TNR: variants seen among roughly 807,000 people sequenced by gnomAD.
The protein encoded by TNR is tenascin R, also known as tenascin-R.
A neutral mutation model predicts 150.4 loss-of-function variants in TNR; 45 were observed. That is an observed-to-expected ratio of 0.30 (90% confidence interval 0.24 to 0.38). The LOEUF (loss-of-function observed/expected upper bound fraction) is 0.38, where lower values mean the gene tolerates loss of function less well. TNR is among the 10% of genes least tolerant of loss of function. The pLI is 1.00. For synonymous variants in TNR, 687 were observed against 678.4 expected (o/e 1.01, Z -0.20); for missense variants, 1,544 against 1,759.1 (o/e 0.88, Z 2.19).
intron 2 of TNR, among the ~76,000 whole-genome samples, chr1:175,439,563 G>C (rs892817900): frequency 1.3e-5 from 2 of 152,096 alleles, no homozygotes; most frequent in African/African-American, 4.8e-5. Context: ...CACAGCAAAA[G>C]AAACTACCAT....
chr1:175,576,447 C>A (rs568741701), intron 1 of TNR, among the ~76,000 whole-genome samples: 11 of 152,208 alleles, frequency 7.2e-5, no homozygotes, highest in East Asian at 1.9e-4. Context: ...CTGGTACCAC[C>A]CTTGCACAGG....
At chr1:175,698,803 A>G (rs1291997147) in intron 1 of TNR, among the ~76,000 whole-genome samples, 2 of 151,400 alleles carry the variant, frequency 1.3e-5, no homozygotes, top group Non-Finnish European at 3.0e-5. Flanking sequence ...CCTGGGCAAT[A>G]AAAGTAAGAC....
intron 1 of TNR, among the ~76,000 whole-genome samples, chr1:175,689,766 G>A (rs1261807161): frequency 6.6e-6 from 1 of 152,170 alleles, no homozygotes; most frequent in Admixed American, 6.5e-5. Context: ...AGGGAGGGGT[G>A]AGGGAAGACT....
chr1:175,671,542 C>T (rs1357170166), intron 1 of TNR, among the ~76,000 whole-genome samples: 1 of 152,180 alleles, frequency 6.6e-6, no homozygotes, highest in Non-Finnish European at 1.5e-5. Flanking sequence ...GTGGCAGTGA[C>T]AGGTGGCAAG....
At chr1:175,639,398 G>T (rs1664582877) in intron 1 of TNR, among the ~76,000 whole-genome samples, 1 of 152,146 alleles carries the variant, frequency 6.6e-6, no homozygotes. Flanking sequence ...CCACCTTAAG[G>T]TCCATAAATA....
At chr1:175,511,258 A>G (rs1337690091) in intron 2 of TNR, among the ~76,000 whole-genome samples, 1 of 152,254 alleles carries the variant, frequency 6.6e-6, no homozygotes, top group East Asian at 1.9e-4. Flanking sequence ...ATTTAAATAA[A>G]GCATGTCAAA....
At chr1:175,687,120 G>A (rs990405303) in intron 1 of TNR, among the ~76,000 whole-genome samples, 11 of 152,178 alleles carry the variant, frequency 7.2e-5, no homozygotes, top group African/African-American at 2.4e-4. Context: ...CATGGCATGA[G>A]CTAAAGCTTA....
intron 1 of TNR, among the ~76,000 whole-genome samples, chr1:175,548,664 T>C (rs113763349): frequency 1.5e-5 from 1 of 68,418 alleles, no homozygotes; most frequent in Non-Finnish European, 3.4e-5. Context: ...GTAAGCAAAA[T>C]TAAAAAAAAA....
intron 1 of TNR, among the ~76,000 whole-genome samples, chr1:175,586,077 TGAG>T (rs1662551693): frequency 6.6e-6 from 1 of 152,160 alleles, no homozygotes; most frequent in Non-Finnish European, 1.5e-5. Context: ...TGTCCTATGA[TGAG>T]ATGAGTACGG....
intron 9 of TNR, among the ~76,000 whole-genome samples, chr1:175,376,576 C>G (rs2859052): frequency 0.63 from 95,100 of 151,910 alleles, 30,259 homozygotes; most frequent in African/African-American, 0.74. Flanking sequence ...TAACTTTTTA[C>G]GCTCCAAGTT....
chr1:175,452,259 T>C (rs1378072095), intron 2 of TNR, among the ~76,000 whole-genome samples: 1 of 152,240 alleles, frequency 6.6e-6, no homozygotes, highest in African/African-American at 2.4e-5. Context: ...GCAGGCACTG[T>C]TCTGGGCTCT....
At chr1:175,618,690 G>A (rs992635678) in intron 1 of TNR, among the ~76,000 whole-genome samples, 1 of 152,126 alleles carries the variant, frequency 6.6e-6, no homozygotes, top group Admixed American at 6.5e-5. Context: ...AGCAGGGAGT[G>A]GAATCCCCCA....
At chr1:175,369,778 A>T (rs1451909184) in intron 9 of TNR, among the ~76,000 whole-genome samples, 1 of 152,124 alleles carries the variant, frequency 6.6e-6, no homozygotes, top group Non-Finnish European at 1.5e-5. Flanking sequence ...CCTGATTTTG[A>T]TCGGAAATAC....
rs201803514 is a variant in TNR at position 175,445,440 on chromosome 1, AT to A, written c.-63-38664del. 1.6e-4 allele frequency among the ~76,000 whole-genome samples: 24 copies of A among 151,820 alleles called. No homozygotes were observed. In the South Asian group the frequency reaches 2.9e-3, roughly 18 times the overall value. ...GCAGAAGTTTTAAACCTGTTCAAGG[AT>A]TTTTTTTTCCATTTCTTGGTCTCTC... On this transcript the variant is annotated intron_variant, in intron 2 of 22. Transcript: ENST00000367674.
rs758610631 is a variant in TNR at position 175,359,139 on chromosome 1, CTTTTTTT to C, written c.2974+466_2974+472del. ...AGTTTGCAGAGTTTGGGGATATCTTCTTTTTTTTTTTTTTTTTTTTTTTTTAGATGGA... is the reference window on the plus strand; with the variant it reads ...AGTTTGCAGAGTTTGGGGATATCTTCTTTTTTTTTTTTTTTTTTAGATGGA... On this transcript the variant is annotated intron_variant, in intron 15 of 22. Coordinates refer to ENST00000367674, the MANE Select transcript of TNR (RefSeq NM_003285.3). Among the ~76,000 whole-genome samples the C allele has an allele frequency of 7.1e-3, 300 of 42,164 alleles. 7 individuals carry two copies. The highest frequency in any genetic ancestry group is 0.023 in the African/African-American group (268 of 11,864). 27.7% of individuals were successfully genotyped at this position (42,164 alleles called of 152,430 possible).
At chr1:175,465,669 C>T (rs1211705404) in intron 2 of TNR, among the ~76,000 whole-genome samples, 2 of 152,126 alleles carry the variant, frequency 1.3e-5, no homozygotes, top group Admixed American at 1.3e-4. Flanking sequence ...GAGGAAGGAA[C>T]AGAGGGAGTG....
intron 1 of TNR, among the ~76,000 whole-genome samples, chr1:175,579,308 A>C (rs1182828492): frequency 1.2e-4 from 19 of 152,068 alleles, no homozygotes; most frequent in Non-Finnish European, 2.2e-4. Context: ...AAGATATTTT[A>C]CATGGGCTAT....
chr1:175,522,649 G>GT (rs1659686346), intron 2 of TNR, among the ~76,000 whole-genome samples: 1 of 152,164 alleles, frequency 6.6e-6, no homozygotes, highest in African/African-American at 2.4e-5. Flanking sequence ...ATGTAGTACT[G>GT]GAGGAAAAAA....
At chr1:175,552,863 C>A (rs778983190) in intron 1 of TNR, among the ~76,000 whole-genome samples, 1 of 152,150 alleles carries the variant, frequency 6.6e-6, no homozygotes, top group Non-Finnish European at 1.5e-5. Context: ...GGAATTGAAA[C>A]ATTTGAACAC....
Sources: gnomAD v4.1 joint callset for allele counts (sites outside exome capture counted in the v4.1 genomes callset) on GRCh38, gnomAD v4.1.1 for gene constraint, MANE v1.5 for transcripts, NCBI Gene and HGNC (gene_info 2026-07-23, HGNC 2026-07-21) for gene names.